Variants in NDRG2 observed in about 807,000 individuals in gnomAD.
NDRG2 encodes NDRG family member 2.
In NDRG2, 34 loss-of-function variants were observed where a neutral mutation model predicts 58.2. The observed-to-expected ratio is 0.58, with a 90% confidence interval of 0.44 to 0.78. The LOEUF is 0.78. Ranked by LOEUF, NDRG2 falls within the 30% of genes least tolerant of loss-of-function variation. NDRG2 has a pLI of 0.00. For synonymous variants in NDRG2, 187 were observed against 175.9 expected, an observed-to-expected ratio of 1.06 and a Z score of -0.50; for missense variants, 434 against 471.2, an observed-to-expected ratio of 0.92 and a Z score of 0.73.
intron 1 of NDRG2, among the ~76,000 whole-genome samples, chr14:21,064,492 G>C (rs2139166651): frequency 6.6e-6 from 1 of 152,188 alleles, no homozygotes. Flanking sequence ...AGTAGAGACT[G>C]GGTTTCGCCA....
chr14:21,050,329 A>C (rs934335225), intron 1 of NDRG2, among the ~76,000 whole-genome samples: 12 of 152,226 alleles, frequency 7.9e-5, no homozygotes, highest in Non-Finnish European at 1.0e-4. Context: ...AAACATAAAT[A>C]AGGATATGCA....
At chr14:21,068,201 G>A (rs1196318092) in intron 1 of NDRG2, among the ~76,000 whole-genome samples, 1 of 17,514 alleles carries the variant, frequency 5.7e-5, no homozygotes. Context: ...GGGTTTCACC[G>A]TGTTAGCCAG....
rs372405202 is a variant in NDRG2 at position 21,024,857 on chromosome 14, C to G, written c.-834G>C. On this transcript the variant is annotated 5_prime_UTR_variant, in exon 1 of 16. Coordinates refer to ENST00000556147, the MANE Select transcript of NDRG2 (RefSeq NM_001320329.2). Reference sequence around the variant, plus strand: ...CACAACCTCGCGCGCACCCCAAACACGCCCTGCAGCTCTTGGAGCCTCAGC... The same window carrying G: ...CACAACCTCGCGCGCACCCCAAACAGGCCCTGCAGCTCTTGGAGCCTCAGC... The G allele has an allele frequency of 1.0e-6, 1 of 985,618 alleles. No homozygotes were observed. The highest frequency in any genetic ancestry group is 6.1e-5 in the Admixed American group (1 of 16,276). 61.1% of individuals were successfully genotyped at this position (985,618 alleles called of 1,614,324 possible). A position where few individuals can be genotyped will look rare whatever the true frequency, so the allele number is the denominator to read the frequency against.
intron 1 of NDRG2, among the ~76,000 whole-genome samples, chr14:21,057,110 T>G (rs1239114105): frequency 6.6e-6 from 1 of 152,076 alleles, no homozygotes; most frequent in Non-Finnish European, 1.5e-5. Context: ...CAGAGTGGGG[T>G]ATTGACCTTT....
intron 1 of NDRG2, among the ~76,000 whole-genome samples, chr14:21,046,139 A>G (rs923308097): frequency 2.0e-5 from 3 of 152,254 alleles, no homozygotes. Flanking sequence ...AATCATAGAT[A>G]GAATTATGAT....
At chr14:21,043,384 T>C (rs1885000247) in intron 1 of NDRG2, 1 of 1,614,118 alleles carries the variant, frequency 6.2e-7, no homozygotes. Context: ...AAGTCTTACG[T>C]AGTGGCCTGT....
Position 21,040,630 on chromosome 14 carries a change from G to T in NDRG2, c.25-17309C>A, listed in dbSNP as rs372123837. 2.2e-3 allele frequency among the ~76,000 whole-genome samples: 338 copies of T among 152,264 alleles called. 1 individual carries two copies. The highest frequency in any genetic ancestry group is 7.9e-3 in the African/African-American group (329 of 41,534). On this transcript the variant is annotated intron_variant, in intron 1 of 14. Coordinates refer to the NDRG2 transcript ENST00000403829. ...AAGTCTTCCCAATGACCTGGTCTCT[G>T]GTCCCTCTCTGAACTCTCAGTTACC...
chr14:21,065,988 A>G (rs1044615127), intron 1 of NDRG2, among the ~76,000 whole-genome samples: 3 of 152,188 alleles, frequency 2.0e-5, no homozygotes, highest in Non-Finnish European at 4.4e-5. Context: ...AAACCCAACT[A>G]CTTGGGAAGC....
At chr14:21,063,025 G>T (rs1192580182) in intron 1 of NDRG2, among the ~76,000 whole-genome samples, 1 of 151,944 alleles carries the variant, frequency 6.6e-6, no homozygotes, top group African/African-American at 2.4e-5. Context: ...AGCTACTGGG[G>T]ATGCTGAAGT....
Position 21,024,332 on chromosome 14 carries a change from T to A in NDRG2, c.-309A>T. ...AGGCTGCGCGGAGGAGAGAAGGAAGTGCTGATGTGGAGGTAAGAGGGTGGC... is the reference window on the plus strand; with the variant it reads ...AGGCTGCGCGGAGGAGAGAAGGAAGAGCTGATGTGGAGGTAAGAGGGTGGC... On this transcript the variant is annotated 5_prime_UTR_variant, in exon 1 of 16. Transcript: ENST00000556147. 2 of 975,380 alleles carry A rather than the reference T, an allele frequency of 2.1e-6. No homozygotes were observed. Among genetic ancestry groups the A allele is most frequent in the Non-Finnish European group, 2.4e-6 (2 of 820,932 alleles). 60.4% of individuals were successfully genotyped at this position (975,380 alleles called of 1,614,324 possible).
At position 21,032,112 on chromosome 14, in the gene NDRG2, C is replaced by G. The variant is rs759896191; in HGVS notation, c.25-8791G>C. On this transcript the variant is annotated intron_variant, in intron 1 of 14. Transcript: ENST00000403829. ...TCATCTCAGCCTGCTAGCCCCCTGA[C>G]CCTGCATGTTTAACACCAGGGAGCT... The G allele has an allele frequency of 2.5e-6, 4 of 1,598,510 alleles. No homozygotes were observed. The East Asian group carries it at 9.0e-5, about 36-fold the overall frequency.
intron 10 of NDRG2, 58 bp downstream of exon 10, chr14:21,019,581 G>T: frequency 8.6e-7 from 1 of 1,165,728 alleles, no homozygotes; most frequent in South Asian, 1.3e-5. Context: ...CCTCCCCCAT[G>T]ACGCCCAATT....
chr14:21,019,966 A>T lies in NDRG2; in HGVS notation c.566T>A (p.Leu189His). 1 of 1,613,794 alleles carries T rather than the reference A, an allele frequency of 6.2e-7. No homozygotes were observed. Among genetic ancestry groups the T allele is most frequent in the Non-Finnish European group, 8.5e-7 (1 of 1,179,960 alleles). ...MDWAAHKLTG[L>H]TSSIPEMILG... ...GATCATCTCCGGAATGGAAGAGGTG[A>T]GGCCTGTTAGCTATGAGGAGAAGGC... The change falls in exon 9 of 16, where the codon CTC (leucine) becomes CAC (histidine). Residue 189 changes from leucine to histidine, a missense_variant. By Grantham distance (99) the Leu-to-His change is moderately conservative. Transcript: ENST00000556147.
At chr14:21,019,069 G>A (rs748109470) in intron 11 of NDRG2, 47 bp downstream of exon 11, 12 of 1,552,346 alleles carry the variant, frequency 7.7e-6, no homozygotes, top group African/African-American at 1.4e-5. Context: ...CAAGCTCCTA[G>A]GGAAGATCCA....
chr14:21,056,470 T>C (rs1885678498), intron 1 of NDRG2, among the ~76,000 whole-genome samples: 1 of 152,214 alleles, frequency 6.6e-6, no homozygotes, highest in South Asian at 2.1e-4. Context: ...TATCCAGATA[T>C]TGTTTTCAGC....
At chr14:21,064,698 A>C (rs1177575462) in intron 1 of NDRG2, among the ~76,000 whole-genome samples, 1 of 152,150 alleles carries the variant, frequency 6.6e-6, no homozygotes, top group Non-Finnish European at 1.5e-5. Flanking sequence ...AGAACACAAA[A>C]CTGTTATTTT....
upstream of NDRG2, chr14:21,028,979 G>C (rs1038836799): frequency 6.6e-6 from 1 of 152,186 alleles, no homozygotes; most frequent in Non-Finnish European, 1.5e-5. Context: ...CTTCTGGCCA[G>C]AGAAAAGGCC....
chr14:21,041,828 G>A (rs994522481), intron 1 of NDRG2, among the ~76,000 whole-genome samples: 23 of 152,188 alleles, frequency 1.5e-4, no homozygotes, highest in African/African-American at 5.3e-4. Flanking sequence ...TCGCTATTGG[G>A]GATGGTGCCA....
chr14:21,057,513 T>C (rs1885727308), intron 1 of NDRG2, among the ~76,000 whole-genome samples: 1 of 151,484 alleles, frequency 6.6e-6, no homozygotes, highest in Non-Finnish European at 1.5e-5. Context: ...GTGGGAAGAA[T>C]AGGAGTTAGG....
Sources: gnomAD v4.1 joint callset for allele counts (sites outside exome capture counted in the v4.1 genomes callset) on GRCh38, gnomAD v4.1.1 for gene constraint, MANE v1.5 for transcripts, NCBI Gene and HGNC (gene_info 2026-07-23, HGNC 2026-07-21) for gene names.